RAD51B: variants seen among roughly 807,000 people sequenced by gnomAD.
RAD51B encodes DNA repair protein RAD51 homolog 2.
RAD51B carries 38 observed loss-of-function variants against 42.2 expected under a neutral mutation model. The ratio of observed to expected loss-of-function variants is 0.90; its 90% CI spans 0.70 to 1.18. The LOEUF is 1.18. Ranked by LOEUF, RAD51B falls within the 50% of genes most tolerant of loss-of-function variation. The pLI is 0.00. For synonymous variants in RAD51B, 154 were observed against 145.2 expected, an observed-to-expected ratio of 1.06 and a Z score of -0.43; for missense variants, 373 against 400.7, an observed-to-expected ratio of 0.93 and a Z score of 0.59.
intron 7 of RAD51B, chr14:68,149,634 T>C (rs1352264200): frequency 6.6e-6 from 1 of 152,252 alleles, no homozygotes; most frequent in Non-Finnish European, 1.5e-5. Flanking sequence ...GAGGTCCCAC[T>C]ATGTGGCTCA....
At chr14:68,359,846 T>A (rs1284782210) in intron 8 of RAD51B, among the ~76,000 whole-genome samples, 1 of 152,228 alleles carries the variant, frequency 6.6e-6, no homozygotes, top group Non-Finnish European at 1.5e-5. Flanking sequence ...CTTTAGAGAC[T>A]AGTCTTTTCG....
At chr14:68,422,300 C>A in intron 9 of RAD51B, 1 of 583,056 alleles carries the variant, frequency 1.7e-6, no homozygotes, top group East Asian at 3.7e-5. Context: ...CGGCAGCTCA[C>A]GCCTGTAATC....
intron 10 of RAD51B, among the ~76,000 whole-genome samples, chr14:68,621,534 G>A (rs1891948455): frequency 6.6e-6 from 1 of 152,198 alleles, no homozygotes; most frequent in South Asian, 2.1e-4. Flanking sequence ...AGAGTTGATA[G>A]CTCCTGGCTC....
intron 8 of RAD51B, among the ~76,000 whole-genome samples, chr14:68,388,154 C>T (rs1242604616): frequency 6.7e-6 from 1 of 149,820 alleles, no homozygotes; most frequent in African/African-American, 2.5e-5. Context: ...AGTGCAGTGG[C>T]ACAGTCTCAG....
At chr14:68,398,363 G>C (rs939965731) in intron 8 of RAD51B, among the ~76,000 whole-genome samples, 24 of 152,142 alleles carry the variant, frequency 1.6e-4, no homozygotes, top group Non-Finnish European at 4.4e-5. Flanking sequence ...GATTCTTTTT[G>C]CTCCCCTACT....
intron 10 of RAD51B, among the ~76,000 whole-genome samples, chr14:68,635,193 A>G (rs1324595379): frequency 6.6e-6 from 1 of 152,162 alleles, no homozygotes; most frequent in African/African-American, 2.4e-5. Context: ...CGATCCAATA[A>G]TAGATGAGCC....
At chr14:68,263,260 T>C (rs972207674) in intron 7 of RAD51B, among the ~76,000 whole-genome samples, 2 of 152,216 alleles carry the variant, frequency 1.3e-5, no homozygotes, top group African/African-American at 4.8e-5. Flanking sequence ...TTCTAATGCT[T>C]AATACAACAT....
At chr14:67,852,101 A>G (rs996752692) in intron 4 of RAD51B, among the ~76,000 whole-genome samples, 5 of 152,226 alleles carry the variant, frequency 3.3e-5, no homozygotes, top group Admixed American at 3.3e-4. Flanking sequence ...AGGCAGTTGC[A>G]GTGGGCCTGT....
intron 7 of RAD51B, among the ~76,000 whole-genome samples, chr14:68,251,200 TAA>T (rs576162341): frequency 2.1e-4 from 30 of 146,230 alleles, no homozygotes; most frequent in African/African-American, 7.0e-4. Flanking sequence ...AAGGAGGAAT[TAA>T]AAAAAAAAAA....
chr14:67,831,828 G>A (rs1167388944), intron 3 of RAD51B, among the ~76,000 whole-genome samples: 2 of 152,116 alleles, frequency 1.3e-5, no homozygotes, highest in African/African-American at 2.4e-5. Context: ...ACAGGCGTGA[G>A]CCACCACACC....
chr14:68,227,291 G>A (rs1042555235), intron 7 of RAD51B, among the ~76,000 whole-genome samples: 4 of 152,144 alleles, frequency 2.6e-5, no homozygotes, highest in Admixed American at 2.6e-4. Flanking sequence ...GCATGACTTA[G>A]GCGAAACTTT....
At chr14:68,652,704 C>G (rs1892727673) in intron 11 of RAD51B, among the ~76,000 whole-genome samples, 1 of 152,256 alleles carries the variant, frequency 6.6e-6, no homozygotes, top group South Asian at 2.1e-4. Context: ...CAAGTCATTA[C>G]TTTCTTGAAG....
intron 7 of RAD51B, among the ~76,000 whole-genome samples, chr14:67,983,248 G>C (rs1026425495): frequency 7.2e-5 from 11 of 152,076 alleles, no homozygotes; most frequent in African/African-American, 2.7e-4. Flanking sequence ...GGTATTTAAT[G>C]TATTGTGCTT....
At chr14:68,676,777 G>A (rs868710289) in intron 11 of RAD51B, among the ~76,000 whole-genome samples, 3 of 152,238 alleles carry the variant, frequency 2.0e-5, no homozygotes, top group Non-Finnish European at 2.9e-5. Flanking sequence ...TTTTGCAGGC[G>A]TCCATTCATG....
chr14:68,408,529 G>A (rs181114755), intron 8 of RAD51B, among the ~76,000 whole-genome samples: 36 of 152,236 alleles, frequency 2.4e-4, no homozygotes, highest in Admixed American at 2.4e-3. Flanking sequence ...TCAAAGTGGA[G>A]CCATGCCATG....
At chr14:68,038,661 T>TG (rs1198314028) in intron 7 of RAD51B, among the ~76,000 whole-genome samples, 1 of 152,204 alleles carries the variant, frequency 6.6e-6, no homozygotes, top group African/African-American at 2.4e-5. Context: ...AAAATTGATA[T>TG]GTAAATTGGG....
chr14:68,205,858 G>A (rs1240768259), intron 7 of RAD51B, among the ~76,000 whole-genome samples: 2 of 151,926 alleles, frequency 1.3e-5, no homozygotes, highest in Non-Finnish European at 2.9e-5. Context: ...CCAAGAAAGG[G>A]GATATTCTGT....
intron 8 of RAD51B, among the ~76,000 whole-genome samples, chr14:68,327,009 C>G (rs1440010370): frequency 6.6e-6 from 1 of 152,150 alleles, no homozygotes; most frequent in Non-Finnish European, 1.5e-5. Context: ...GTGGCCCAAC[C>G]CAGGAGAGTC....
At chr14:67,946,572 T>A (rs530726098) in intron 7 of RAD51B, among the ~76,000 whole-genome samples, 1 of 152,346 alleles carries the variant, frequency 6.6e-6, no homozygotes, top group African/African-American at 2.4e-5. Flanking sequence ...TTCACCATCT[T>A]GGCCAGGCTG....
Sources: gnomAD v4.1 joint callset for allele counts (sites outside exome capture counted in the v4.1 genomes callset) on GRCh38, gnomAD v4.1.1 for gene constraint, MANE v1.5 for transcripts, NCBI Gene and HGNC (gene_info 2026-07-23, HGNC 2026-07-21) for gene names.